Variants in EYS observed in about 807,000 individuals in gnomAD.
EYS encodes EGF-like photoreceptor maintenance factor.
EYS carries 250 observed loss-of-function variants against 282.1 expected under a neutral mutation model. The ratio of observed to expected loss-of-function variants is 0.89; its 90% CI spans 0.80 to 0.98. The LOEUF (loss-of-function observed/expected upper bound fraction) is 0.98, where lower values mean the gene tolerates loss of function less well. Among genes scored for constraint, EYS ranks in the 50% least tolerant of loss-of-function variants. EYS has a pLI of 0.00. For synonymous variants in EYS, 1,355 were observed against 1,282.9 expected, an observed-to-expected ratio of 1.06 and a Z score of -1.20; for missense variants, 4,016 against 3,709.0, an observed-to-expected ratio of 1.08 and a Z score of -2.15.
chr6:64,074,940 G>C (rs1288180426), intron 32 of EYS, among the ~76,000 whole-genome samples: 1 of 151,880 alleles, frequency 6.6e-6, no homozygotes, highest in African/African-American at 2.4e-5. Context: ...TTGTACAATA[G>C]CTCACACTAA....
intron 12 of EYS, among the ~76,000 whole-genome samples, chr6:65,093,973 G>A (rs1485485793): frequency 1.3e-5 from 2 of 151,608 alleles, no homozygotes; most frequent in Admixed American, 1.3e-4. Flanking sequence ...ATAGAGAGCA[G>A]GTTAGCTATA....
chr6:64,002,835 G>A (rs1768161278), intron 33 of EYS, among the ~76,000 whole-genome samples: 1 of 152,134 alleles, frequency 6.6e-6, no homozygotes, highest in African/African-American at 2.4e-5. Context: ...TCTGCGCCTG[G>A]CCTGAGGATG....
At chr6:65,578,106 G>A (rs998122202) in intron 2 of EYS, among the ~76,000 whole-genome samples, 1 of 151,846 alleles carries the variant, frequency 6.6e-6, no homozygotes, top group Non-Finnish European at 1.5e-5. Context: ...AAATCAGTAT[G>A]TCAAAGAGAT....
At chr6:65,340,928 C>A (rs1770176532) in intron 10 of EYS, among the ~76,000 whole-genome samples, 1 of 151,066 alleles carries the variant, frequency 6.6e-6, no homozygotes, top group Non-Finnish European at 1.5e-5. Flanking sequence ...GATATTCTCT[C>A]CAACTGTGAA....
At chr6:64,168,332 T>C (rs1187758785) in intron 31 of EYS, among the ~76,000 whole-genome samples, 2 of 152,302 alleles carry the variant, frequency 1.3e-5, no homozygotes, top group Non-Finnish European at 2.9e-5. Context: ...GTGGGAAAAC[T>C]TGTTACATTT....
At chr6:63,908,121 TAGAC>T (rs1384493755) in intron 35 of EYS, among the ~76,000 whole-genome samples, 10 of 150,474 alleles carry the variant, frequency 6.6e-5, no homozygotes, top group African/African-American at 2.2e-4. Flanking sequence ...CATCACATGA[TAGAC>T]AGGTTGATTC....
At position 65,166,269 on chromosome 6, in the gene EYS, A is replaced by G. The variant is rs143846133; in HGVS notation, c.2024-108542T>C. 4.4e-4 allele frequency among the ~76,000 whole-genome samples: 67 copies of G among 151,226 alleles called. No individual in the cohort carries two copies. The East Asian group carries it at 0.013, about 29-fold the overall frequency. On this transcript the variant is annotated intron_variant, in intron 12 of 42. Transcript: ENST00000503581. ...TTTGCAGCTATGACAGAGTCACAAA[A>G]TCGTCCAAATAATCTTGAAATAGAT...
chr6:65,183,531 G>T (rs1420587760), intron 12 of EYS, among the ~76,000 whole-genome samples: 3 of 151,690 alleles, frequency 2.0e-5, no homozygotes, highest in Admixed American at 1.3e-4. Context: ...AGTTTATTTG[G>T]AAATACAGTA....
intron 12 of EYS, among the ~76,000 whole-genome samples, chr6:65,150,823 G>A (rs913968736): frequency 2.0e-5 from 3 of 151,764 alleles, no homozygotes; most frequent in African/African-American, 7.2e-5. Flanking sequence ...GTTTAATAAT[G>A]TTTAATACTT....
intron 13 of EYS, among the ~76,000 whole-genome samples, chr6:65,026,257 G>A (rs998442986): frequency 8.5e-5 from 13 of 152,130 alleles, no homozygotes; most frequent in Non-Finnish European, 2.9e-5. Context: ...TAATTCAGGT[G>A]CTCTAAATAC....
chr6:65,452,822 A>C (rs1284527210), intron 5 of EYS, among the ~76,000 whole-genome samples: 1 of 152,064 alleles, frequency 6.6e-6, no homozygotes, highest in Non-Finnish European at 1.5e-5. Context: ...CCATATCAAC[A>C]ATCAGAGAAG....
chr6:64,926,261 G>A (rs761140757), intron 15 of EYS, among the ~76,000 whole-genome samples: 63 of 152,118 alleles, frequency 4.1e-4, no homozygotes, highest in Admixed American at 1.0e-3. Context: ...TCTAGCCCCA[G>A]GGGCTTCTCC....
chr6:64,227,255 G>C (rs1766278537), intron 31 of EYS, among the ~76,000 whole-genome samples: 1 of 151,556 alleles, frequency 6.6e-6, no homozygotes, highest in South Asian at 2.1e-4. Context: ...AATTTTATGG[G>C]GATTATGATA....
At chr6:64,173,448 G>C (rs748827476) in intron 31 of EYS, among the ~76,000 whole-genome samples, 7 of 152,124 alleles carry the variant, frequency 4.6e-5, no homozygotes, top group Non-Finnish European at 7.4e-5. Flanking sequence ...TGGAGTTTAG[G>C]AGTTTATTGT....
At chr6:64,702,241 C>T (rs1432313716) in intron 22 of EYS, among the ~76,000 whole-genome samples, 1 of 151,950 alleles carries the variant, frequency 6.6e-6, no homozygotes, top group Non-Finnish European at 1.5e-5. Context: ...AAAGAAGTTT[C>T]ACACCCTTTC....
At chr6:63,736,997 T>G (rs1339237735) in intron 41 of EYS, among the ~76,000 whole-genome samples, 1 of 152,010 alleles carries the variant, frequency 6.6e-6, no homozygotes, top group East Asian at 1.9e-4. Context: ...GCTGAGACAA[T>G]GGGGTTTTCT....
intron 28 of EYS, among the ~76,000 whole-genome samples, chr6:64,392,684 C>A (rs1208576049): frequency 6.0e-5 from 9 of 149,572 alleles, no homozygotes; most frequent in Non-Finnish European, 1.2e-4. Flanking sequence ...AGGAAAGATG[C>A]AAAATTGACA....
At chr6:65,531,523 A>C (rs912335595) in intron 2 of EYS, among the ~76,000 whole-genome samples, 1 of 152,176 alleles carries the variant, frequency 6.6e-6, no homozygotes, top group Non-Finnish European at 1.5e-5. Flanking sequence ...CCCAATCCCC[A>C]AAGTCAGACT....
intron 1 of EYS, among the ~76,000 whole-genome samples, chr6:65,674,359 A>G (rs1768500807): frequency 6.6e-6 from 1 of 151,130 alleles, no homozygotes; most frequent in Admixed American, 6.6e-5. Context: ...ATAAAAGACA[A>G]AGAGAGGATT....
Sources: gnomAD v4.1 joint callset for allele counts (sites outside exome capture counted in the v4.1 genomes callset) on GRCh38, gnomAD v4.1.1 for gene constraint, MANE v1.5 for transcripts, NCBI Gene and HGNC (gene_info 2026-07-23, HGNC 2026-07-21) for gene names.